FEZ2: variants seen among roughly 807,000 people sequenced by gnomAD.
FEZ2 encodes fasciculation and elongation protein zeta-2.
A neutral mutation model predicts 40.4 loss-of-function variants in FEZ2; 51 were observed. The observed-to-expected ratio is 1.26, with a 90% CI of 1.01 to 1.59. The LOEUF (loss-of-function observed/expected upper bound fraction) is 1.59, where lower values mean the gene tolerates loss of function less well. Among genes scored for constraint, FEZ2 ranks in the 40% most tolerant of loss-of-function variants. The probability of loss-of-function intolerance (pLI) is 0.00; values close to 1 mark genes in which losing one functional copy is unlikely to be tolerated. For synonymous variants in FEZ2, 242 were observed against 172.0 expected (o/e 1.41, Z -3.18); for missense variants, 640 against 438.3 (o/e 1.46, Z -4.11).
intron 3 of FEZ2, among the ~76,000 whole-genome samples, chr2:36,582,897 T>C (rs1254288098): frequency 6.6e-6 from 1 of 152,238 alleles, no homozygotes; most frequent in Non-Finnish European, 1.5e-5. Flanking sequence ...GGGTTGACCT[T>C]ATTAGCGCAT....
chr2:36,580,783 G>A (rs1297026602), intron 4 of FEZ2, among the ~76,000 whole-genome samples: 3 of 152,128 alleles, frequency 2.0e-5, no homozygotes, highest in Admixed American at 2.0e-4. Context: ...ACAGTATATG[G>A]TCTTTAAAGA....
Position 36,579,515 on chromosome 2 carries a change from T to C in FEZ2, c.635-650A>G, listed in dbSNP as rs57334072. ...GGTGCTGTTCTCATGACAGAGTTCT[T>C]ATGAGACCTGGTTGTTTAAAAGTGT... On this transcript the variant is annotated intron_variant, in intron 4 of 7. Transcript: ENST00000405912. Among the ~76,000 whole-genome samples, 21 of 152,114 alleles carry C rather than the reference T, an allele frequency of 1.4e-4. 1 individual carries two copies. In the East Asian group the frequency reaches 4.1e-3, roughly 30 times the overall value.
chr2:36,591,285 G>A (rs1216649595), intron 1 of FEZ2: 1 of 436,754 alleles, frequency 2.3e-6, no homozygotes, highest in African/African-American at 2.0e-5. Context: ...TATATTAGGT[G>A]CTAGGCACTG....
At chr2:36,597,796 G>A (rs1274541575) in intron 1 of FEZ2, 81 bp downstream of exon 1, 10 of 1,015,130 alleles carry the variant, frequency 9.9e-6, no homozygotes, top group East Asian at 7.0e-5. Flanking sequence ...GGCGCAGGGA[G>A]GAGCTGCGGC....
At chr2:36,578,915 G>A (rs1668656633) in intron 4 of FEZ2, 50 bp from the exon 5 acceptor site, 2 of 1,526,846 alleles carry the variant, frequency 1.3e-6, no homozygotes, top group South Asian at 1.2e-5. Flanking sequence ...AACATTTCAA[G>A]GAAGCAAAAC....
Position 36,597,966 on chromosome 2 carries a change from G to T in FEZ2, c.177C>A (p.Ser59Arg), listed in dbSNP as rs1426968755. ...APACSLEEKLSLCFRPSDPGA... is the reference protein window; with the variant it reads ...APACSLEEKLRLCFRPSDPGA... ...CCGGATCCGAGGGGCGGAAGCACAGGCTCAGCTTCTCCTCCAAGCTGCAGG... is the reference window on the plus strand; with the variant it reads ...CCGGATCCGAGGGGCGGAAGCACAGTCTCAGCTTCTCCTCCAAGCTGCAGG... Residue 59 changes from serine to arginine, a missense_variant, in exon 1 of 8, where the codon AGC (serine) becomes AGA (arginine). Coordinates refer to ENST00000405912, the MANE Select transcript of FEZ2 (RefSeq NM_005102.3). The T allele has an allele frequency of 6.7e-6, 10 of 1,481,910 alleles. No homozygotes were observed. The highest frequency in any genetic ancestry group is 1.3e-5 in the South Asian group (1 of 79,156). The allele number at this position is 1,481,910 out of a possible 1,614,324, so 91.8% of individuals were successfully genotyped here.
At position 36,581,340 on chromosome 2, in the gene FEZ2, G is replaced by A; in HGVS notation, c.584C>T (p.Ser195Phe). ...CCTCTTGAGAGTTTGAATTTCCTGG[G>A]AAAGCATTGAAAGCCGATCTGACTG... ...PTQSDRLSML[S>F]QEIQTLKRSS... Residue 195 changes from serine to phenylalanine, a missense_variant, in exon 4 of 8, where the codon TCC (serine) becomes TTC (phenylalanine). Physicochemically the swap from Ser to Phe is radical, Grantham distance 155 (BLOSUM62 -2). Coordinates refer to ENST00000405912, the MANE Select transcript of FEZ2 (RefSeq NM_005102.3). The A allele has an allele frequency of 6.2e-7, 1 of 1,613,676 alleles. No individual in the cohort carries two copies. Among genetic ancestry groups the A allele is most frequent in the African/African-American group, 1.3e-5 (1 of 74,990 alleles).
At chr2:36,562,680 A>T (rs1395903215) in intron 5 of FEZ2, among the ~76,000 whole-genome samples, 5 of 152,174 alleles carry the variant, frequency 3.3e-5, no homozygotes, top group Non-Finnish European at 5.9e-5. Context: ...TATTTCTGTA[A>T]ATTTTTCCAA....
intron 1 of FEZ2, among the ~76,000 whole-genome samples, chr2:36,596,195 G>A (rs906768336): frequency 1.6e-4 from 24 of 152,156 alleles, no homozygotes; most frequent in African/African-American, 5.6e-4. Context: ...ACACTGTACT[G>A]AGGAACCAAT....
intron 5 of FEZ2, among the ~76,000 whole-genome samples, chr2:36,562,144 G>C (rs1473243521): frequency 6.6e-6 from 1 of 152,154 alleles, no homozygotes; most frequent in Non-Finnish European, 1.5e-5. Context: ...ATGTTAATGA[G>C]ATTGACAAAA....
At chr2:36,580,103 G>C (rs1381302367) in intron 4 of FEZ2, among the ~76,000 whole-genome samples, 5 of 152,206 alleles carry the variant, frequency 3.3e-5, no homozygotes, top group African/African-American at 4.8e-5. Context: ...CTGGCCTCCA[G>C]AACTATAGAA....
intron 5 of FEZ2, among the ~76,000 whole-genome samples, chr2:36,578,199 T>C (rs550902557): frequency 2.6e-4 from 40 of 152,332 alleles, no homozygotes; most frequent in African/African-American, 7.9e-4. Context: ...TTCTAATTTC[T>C]TATCACACAA....
rs199707670 is a variant in FEZ2, at chr2:36,590,921, C to A, written c.357G>T (p.Leu119=). 6.2e-7 allele frequency: 1 copy of A among 1,604,022 alleles called. No homozygotes were observed. The highest frequency in any genetic ancestry group is 8.5e-7 in the Non-Finnish European group (1 of 1,170,898). Residue 119 remains leucine (L), a synonymous_variant, in exon 2 of 8, where the codon CTG becomes CTT. Coordinates refer to ENST00000405912, the MANE Select transcript of FEZ2 (RefSeq NM_005102.3). ...SHTRTLHLLT[L]NLSEKGVSDS... is the part of the protein sequence containing the mutation. The stretch of plus-strand genomic sequence containing the variant: ...AACTTACCCCTTTTTCTGAGAGGTT[C>A]AGAGTAAGCAAGTGCAAGGTCCTAG...
At chr2:36,558,388 C>T (rs956146846) in intron 6 of FEZ2, 50 bp downstream of exon 6, 1 of 1,193,096 alleles carries the variant, frequency 8.4e-7, no homozygotes. Context: ...CAGGTGTTTA[C>T]CAATCAGCAA....
intron 6 of FEZ2, 185 bp from the exon 7 acceptor site, chr2:36,555,933 G>A (rs1376971707): frequency 2.9e-6 from 2 of 678,428 alleles, no homozygotes; most frequent in African/African-American, 1.8e-5. Context: ...TTTTAGTGGA[G>A]TAAGTCCACA....
intron 5 of FEZ2, among the ~76,000 whole-genome samples, chr2:36,573,882 C>T (rs1668490361): frequency 6.6e-6 from 1 of 152,210 alleles, no homozygotes. Flanking sequence ...AAAATGGTCA[C>T]TCTTACGCTC....
At chr2:36,580,945 A>C (rs757755563) in intron 4 of FEZ2, among the ~76,000 whole-genome samples, 17 of 152,144 alleles carry the variant, frequency 1.1e-4, no homozygotes, top group Non-Finnish European at 2.2e-4. Context: ...TGAGGTCAGG[A>C]GTTCGAGACC....
intron 5 of FEZ2, among the ~76,000 whole-genome samples, chr2:36,564,770 G>A (rs997085879): frequency 6.6e-6 from 1 of 152,028 alleles, no homozygotes; most frequent in African/African-American, 2.4e-5. Flanking sequence ...GGGCCAACTC[G>A]GGAGTTCACG....
At chr2:36,586,390 T>C (rs144281706) in intron 2 of FEZ2, among the ~76,000 whole-genome samples, 2,291 of 152,284 alleles carry the variant, frequency 0.015, 56 homozygotes, top group African/African-American at 0.052. Context: ...ATCCCAGCAC[T>C]TTGGGAGGCT....
Sources: allele counts gnomAD v4.1 joint callset (sites outside exome capture counted in the v4.1 genomes callset), GRCh38; gene constraint gnomAD v4.1.1; transcripts MANE v1.5; gene names NCBI Gene and HGNC (gene_info 2026-07-23, HGNC 2026-07-21).